Variants in ODF2 observed in about 807,000 individuals in gnomAD.
The protein encoded by ODF2 is outer dense fiber protein 2.
A neutral mutation model predicts 110.2 loss-of-function variants in ODF2; 47 were observed. The observed-to-expected ratio is 0.43, with a 90% CI of 0.34 to 0.54. ODF2 has a LOEUF of 0.54. Ranked by LOEUF, ODF2 falls within the 20% of genes least tolerant of loss-of-function variation. The probability of loss-of-function intolerance (pLI) is 0.03; values close to 1 mark genes in which losing one functional copy is unlikely to be tolerated. For synonymous variants in ODF2, 352 were observed against 397.7 expected, an observed-to-expected ratio of 0.89 and a Z score of 1.37; for missense variants, 812 against 1,054.5, an observed-to-expected ratio of 0.77 and a Z score of 3.19.
Position 128,459,821 on chromosome 9 carries a change from T to A in ODF2, c.123+164T>A, listed in dbSNP as rs538885547. ...TGCTGATTTTTAATTATGATCATCA[T>A]TTTTGCCTGTGGTGAGGCTGCCGGG... On this transcript the variant is annotated intron_variant, in intron 3 of 20. Transcript: ENST00000604420. Among the ~76,000 whole-genome samples the A allele has an allele frequency of 3.3e-5, 5 of 152,246 alleles. No individual in the cohort carries two copies. In the East Asian group the frequency reaches 5.8e-4, roughly 18 times the overall value.
At chr9:128,474,277 G>A (rs1209672191) in intron 8 of ODF2, among the ~76,000 whole-genome samples, 2 of 151,482 alleles carry the variant, frequency 1.3e-5, no homozygotes, top group East Asian at 3.9e-4. Context: ...GGTGGATCAC[G>A]AGGTCAGAAG....
At chr9:128,471,892 G>A (rs1182794712) in intron 6 of ODF2, among the ~76,000 whole-genome samples, 2 of 152,128 alleles carry the variant, frequency 1.3e-5, no homozygotes, top group African/African-American at 4.8e-5. Flanking sequence ...GGATAAGGGG[G>A]CCACATAGGT....
At position 128,494,302 on chromosome 9, in the gene ODF2, C is replaced by T. The variant is rs1467369395; in HGVS notation, c.1753-208C>T. Among the ~76,000 whole-genome samples the T allele has an allele frequency of 6.6e-6, 1 of 152,146 alleles. No individual in the cohort carries two copies. Among genetic ancestry groups the T allele is most frequent in the Non-Finnish European group, 1.5e-5 (1 of 68,022 alleles). ...GTTTACTGTGTGGTTGCCATTGTTACGGGATAACTAAATGAATGGCAAGCC... is the reference window on the plus strand; with the variant it reads ...GTTTACTGTGTGGTTGCCATTGTTATGGGATAACTAAATGAATGGCAAGCC... On this transcript the variant is annotated intron_variant, in intron 16 of 20. Transcript: ENST00000604420. This position sits in a 1 kb window ranked among gnomAD's most constrained non-coding sequence, Gnocchi z 4.6.
chr9:128,459,635 G>A (rs2131457551), exon 3 of ODF2: 3 of 1,613,862 alleles, frequency 1.9e-6, no homozygotes, highest in South Asian at 2.2e-5. Flanking sequence ...GCACCTTGTG[G>A]CGCACCCAGT....
exon 19 of ODF2, chr9:128,498,464 C>G (rs149828123): frequency 5.0e-6 from 8 of 1,613,060 alleles, no homozygotes; most frequent in Non-Finnish European, 6.8e-6. Flanking sequence ...AGGTGATTGC[C>G]AAGAGGGAGG....
chr9:128,486,745 C>A (rs904784053), intron 13 of ODF2, among the ~76,000 whole-genome samples: 1 of 152,140 alleles, frequency 6.6e-6, no homozygotes, highest in Non-Finnish European at 1.5e-5. Flanking sequence ...GCCTTTTTCC[C>A]ACACCACACT....
At chr9:128,468,931 C>T (rs1294307158) in intron 4 of ODF2, 2 of 468,502 alleles carry the variant, frequency 4.3e-6, no homozygotes, top group South Asian at 3.1e-5. Flanking sequence ...GGTATCCAGC[C>T]TATGTTCTTT....
In ODF2 at chr9:128,487,805, ACAC is replaced by A. The variant is rs756640458; in HGVS notation, c.1401-84_1401-82del. The A allele has an allele frequency of 1.4e-3, 2,011 of 1,432,992 alleles. 30 individuals carry two copies. In the East Asian group the frequency reaches 0.037, roughly 26 times the overall value. The allele number at this position is 1,432,992 out of a possible 1,614,324, so 88.8% of individuals were successfully genotyped here. On this transcript the variant is annotated intron_variant, in intron 13 of 20. Coordinates refer to ENST00000604420, the Ensembl canonical transcript of ODF2. ...CCGTCTAAAAAAACAAACAAACAAAACACACACACACACACACACACACACACA... is the reference window on the plus strand; with the variant it reads ...CCGTCTAAAAAAACAAACAAACAAAAACACACACACACACACACACACACA...
intron 4 of ODF2, among the ~76,000 whole-genome samples, chr9:128,461,661 C>T (rs189970776): frequency 2.2e-3 from 336 of 152,226 alleles, no homozygotes; most frequent in East Asian, 6.9e-3. Context: ...TCAGGTGATC[C>T]GCCCGCCTCG....
At position 128,456,410 on chromosome 9, in the gene ODF2, C is replaced by A. The variant is rs1005704594; in HGVS notation, c.-209+155C>A. 6 of 1,471,516 alleles carry A rather than the reference C, an allele frequency of 4.1e-6. No individual in the cohort carries two copies. The Admixed American group carries it at 1.3e-4, about 31-fold the overall frequency. 91.2% of individuals were successfully genotyped at this position (1,471,516 alleles called of 1,614,324 possible). On this transcript the variant is annotated intron_variant, in intron 1 of 20. Transcript: ENST00000604420. ...CGTCCCCCTCCTGTCAGAACCTGGG[C>A]CCCCGCCCCGCCCACCGGCGCGGGG...
At chr9:128,499,496 T>C (rs976746871) in intron 20 of ODF2, among the ~76,000 whole-genome samples, 43 of 152,182 alleles carry the variant, frequency 2.8e-4, no homozygotes, top group African/African-American at 9.9e-4. Flanking sequence ...GGTTTCGCCA[T>C]GTTGGCCAGG....
chr9:128,492,975 T>G (rs1844888877), intron 16 of ODF2, among the ~76,000 whole-genome samples, 170 bp downstream of exon 16: 1 of 152,072 alleles, frequency 6.6e-6, no homozygotes, highest in African/African-American at 2.4e-5. Flanking sequence ...TCTCTCTCCT[T>G]TGTCTCTTTC....
chr9:128,467,114 T>C (rs563347232), intron 4 of ODF2, among the ~76,000 whole-genome samples: 30 of 135,134 alleles, frequency 2.2e-4, no homozygotes, highest in Non-Finnish European at 4.2e-4. Flanking sequence ...TTAGGCACTT[T>C]CATCATTGTG....
At chr9:128,484,602 C>G in intron 11 of ODF2, 99 bp from the exon 12 acceptor site, 1 of 1,301,546 alleles carries the variant, frequency 7.7e-7, no homozygotes, top group Non-Finnish European at 1.1e-6. Flanking sequence ...CCTCTTTGCT[C>G]TTGCCTTTTC....
chr9:128,478,746 TGTCC>T (rs903557994), intron 8 of ODF2, among the ~76,000 whole-genome samples: 7 of 152,156 alleles, frequency 4.6e-5, no homozygotes, highest in Middle Eastern at 3.2e-3. Context: ...TTTTGTGCTT[TGTCC>T]AGGCTCAGCT....
intron 1 of ODF2, 197 bp downstream of exon 1, chr9:128,456,452 T>A: frequency 2.0e-6 from 3 of 1,516,476 alleles, no homozygotes; most frequent in Non-Finnish European, 2.6e-6. Context: ...CTCCTCCCGC[T>A]AACGGGCGGT....
At chr9:128,475,770 T>C (rs1194260225) in intron 8 of ODF2, among the ~76,000 whole-genome samples, 1 of 151,896 alleles carries the variant, frequency 6.6e-6, no homozygotes, top group Non-Finnish European at 1.5e-5. Context: ...CTCAGCCTCC[T>C]GAGTAGCTGG....
At chr9:128,460,838 CATT>C in intron 3 of ODF2, 101 bp from the exon 4 acceptor site, 1 of 1,543,146 alleles carries the variant, frequency 6.5e-7, no homozygotes, top group Non-Finnish European at 8.9e-7. Flanking sequence ...ACAGCAGTAA[CATT>C]AGTCAGAAGA....
At chr9:128,471,603 T>A in intron 6 of ODF2, 135 bp downstream of exon 6, 1 of 712,462 alleles carries the variant, frequency 1.4e-6, no homozygotes, top group Non-Finnish European at 2.3e-6. Context: ...TGTTCAACAG[T>A]CACACAATTA....
Sources: gnomAD v4.1 joint callset for allele counts (sites outside exome capture counted in the v4.1 genomes callset) on GRCh38, gnomAD v4.1.1 for gene constraint, Gnocchi (gnomAD v3.1) non-coding constraint, MANE v1.5 for transcripts, NCBI Gene and HGNC (gene_info 2026-07-23, HGNC 2026-07-21) for gene names.